Variants in SLC9A7 observed in about 807,000 individuals in gnomAD.
SLC9A7 encodes the protein solute carrier family 9 member A7, also known as sodium/hydrogen exchanger 7.
Under a neutral mutation model 52.6 loss-of-function variants are expected in SLC9A7, and 19 were observed. That is an observed-to-expected ratio of 0.36 (90% CI 0.25 to 0.53). SLC9A7 has a LOEUF of 0.53. SLC9A7 is among the 20% of genes least tolerant of loss of function. The probability of loss-of-function intolerance (pLI) is 0.91; values close to 1 mark genes in which losing one functional copy is unlikely to be tolerated. For missense variants in SLC9A7, 455 were observed against 597.9 expected (o/e 0.76, Z 2.49); for synonymous variants, 226 against 252.1 (o/e 0.90, Z 0.98).
chrX:46,606,601 G>A lies in SLC9A7; in HGVS notation c.*351C>T. The A allele has an allele frequency of 1.1e-6, 1 of 893,437 alleles. No homozygotes were observed. Among genetic ancestry groups the A allele is most frequent in the Non-Finnish European group, 1.4e-6 (1 of 726,633 alleles). The allele number at this position is 893,437 out of a possible 1,213,427, so 73.6% of individuals were successfully genotyped here. On this transcript the variant is annotated 3_prime_UTR_variant, in exon 17 of 17. Transcript: ENST00000616978. ...TGTGTACTGAGATGCAGCCTCTCAT[G>A]GGAGGAATCCCCCCACCCAGCACCT...
intron 1 of SLC9A7, among the ~76,000 whole-genome samples, chrX:46,701,978 C>T (rs375159457): frequency 9.0e-6 from 1 of 111,568 alleles, no homozygotes; most frequent in Admixed American, 9.5e-5. Context: ...ATTCTCTGGA[C>T]ACTGCTAGAC....
chrX:46,725,024 A>T, intron 1 of SLC9A7: 1 of 409,855 alleles, frequency 2.4e-6, no homozygotes, highest in Non-Finnish European at 4.3e-6. Context: ...TACAAGAGCA[A>T]TGTAATTAAA....
chrX:46,669,747 A>G (rs1292481736), intron 4 of SLC9A7, 28 bp from the exon 5 acceptor site: 1 of 827,349 alleles, frequency 1.2e-6, no homozygotes, highest in African/African-American at 2.1e-5. Context: ...AAACTATGTC[A>G]GGAGAAAAAA....
At chrX:46,649,857 G>C (rs188472644) in intron 10 of SLC9A7, among the ~76,000 whole-genome samples, 3 of 112,826 alleles carry the variant, frequency 2.7e-5, no homozygotes, top group African/African-American at 9.7e-5. Flanking sequence ...CAGAGGACCC[G>C]GCTTGGCCTC....
chrX:46,720,543 G>A (rs1021157157), intron 1 of SLC9A7, among the ~76,000 whole-genome samples: 8 of 109,633 alleles, frequency 7.3e-5, no homozygotes, highest in African/African-American at 2.3e-4. Flanking sequence ...CCATGACCCT[G>A]CTTAAAATTA....
In SLC9A7 at chrX:46,604,819, A is replaced by C. The variant is rs766938084; in HGVS notation, c.*2133T>G. 8.9e-6 allele frequency: 1 copy of C among 112,511 alleles called. No individual in the cohort carries two copies. The highest frequency in any genetic ancestry group is 2.8e-4 in the East Asian group (1 of 3,629). The allele number at this position is 112,511 out of a possible 1,213,427, so 9.3% of individuals were successfully genotyped here. On this transcript the variant is annotated 3_prime_UTR_variant, in exon 17 of 17. Transcript: ENST00000616978. ...TCAGCAAACTCATATGGCTCAACCT[A>C]ATTAAATACGTATTTTCCTGATTTG...
chrX:46,725,487 A>G (rs1944928903), intron 1 of SLC9A7: 1 of 1,019,421 alleles, frequency 9.8e-7, no homozygotes, highest in Non-Finnish European at 1.4e-6. Context: ...CTTTACTCCC[A>G]GTTTCATAGC....
chrX:46,643,249 A>G lies in SLC9A7; in HGVS notation c.1603T>C (p.Trp535Arg), dbSNP rs138701264. The change falls in exon 12 of 17, where the codon TGG becomes CGG. Residue 535 changes from tryptophan to arginine, a missense_variant. Coordinates refer to ENST00000616978, the MANE Select transcript of SLC9A7 (RefSeq NM_001257291.2). ...IGGGTTPMLS[W>R]LNIRVGVEEP... ...TTCCAAACCAACCTGATGTTAAGCC[A>G]TGACAACATGGGTGTCGTGCCTCCT... 2.3e-4 allele frequency: 276 copies of G among 1,207,545 alleles called. 1 individual carries two copies. The Middle Eastern group carries it at 2.3e-3, about 10-fold the overall frequency.
At chrX:46,655,583 C>T (rs1413318371) in intron 7 of SLC9A7, among the ~76,000 whole-genome samples, 3 of 112,107 alleles carry the variant, frequency 2.7e-5, no homozygotes, top group Non-Finnish European at 5.6e-5. Flanking sequence ...CAGGGAGTTC[C>T]CTTTCCTAGT....
intron 1 of SLC9A7, among the ~76,000 whole-genome samples, chrX:46,697,820 T>C (rs918398529): frequency 6.2e-5 from 7 of 112,302 alleles, no homozygotes; most frequent in African/African-American, 2.3e-4. Context: ...CATATTTCTC[T>C]TCTTTCAAAA....
At chrX:46,683,486 C>CT (rs1944245845) in intron 1 of SLC9A7, among the ~76,000 whole-genome samples, 1 of 111,511 alleles carries the variant, frequency 9.0e-6, no homozygotes, top group Non-Finnish European at 1.9e-5. Context: ...GGCTGGAGAG[C>CT]TGGCTTCTTG....
intron 1 of SLC9A7, among the ~76,000 whole-genome samples, chrX:46,705,582 T>A (rs1433046274): frequency 9.0e-6 from 1 of 111,536 alleles, no homozygotes; most frequent in East Asian, 2.8e-4. Context: ...CCTACATCTA[T>A]ACAAAAAATT....
intron 3 of SLC9A7, among the ~76,000 whole-genome samples, chrX:46,678,305 C>T (rs1488173030): frequency 1.8e-5 from 2 of 111,074 alleles, no homozygotes; most frequent in Non-Finnish European, 3.8e-5. Flanking sequence ...AAACAAGTTC[C>T]ACAGCTGTTA....
intron 1 of SLC9A7, among the ~76,000 whole-genome samples, chrX:46,730,279 T>C (rs889106264): frequency 1.6e-4 from 17 of 108,176 alleles, no homozygotes; most frequent in Non-Finnish European, 9.6e-5. Flanking sequence ...AAATGAGAGT[T>C]AAAAATGAAA....
At chrX:46,636,404 A>G (rs888484704) in intron 12 of SLC9A7, among the ~76,000 whole-genome samples, 4 of 110,809 alleles carry the variant, frequency 3.6e-5, no homozygotes, top group African/African-American at 1.3e-4. Context: ...TAAGATGTTT[A>G]ACAGAGTCTC....
chrX:46,725,061 G>A (rs760262202), intron 1 of SLC9A7: 8 of 480,170 alleles, frequency 1.7e-5, no homozygotes, highest in East Asian at 7.0e-5. Flanking sequence ...GGAAAGAAAC[G>A]TAAATCTGTT....
In SLC9A7 at chrX:46,635,661, A is replaced by G; in HGVS notation, c.1617-13T>C. On this transcript the variant is annotated splice_polypyrimidine_tract_variant and intron_variant, in intron 12 of 16. Transcript: ENST00000616978. Reference sequence around the variant, plus strand: ...CTCGACGCCAACTCTGGGCAGCAGAAGAAGGGAACGTGAGTGTGACAGGGA... The same window carrying G: ...CTCGACGCCAACTCTGGGCAGCAGAGGAAGGGAACGTGAGTGTGACAGGGA... 2 of 1,199,973 alleles carry G rather than the reference A, an allele frequency of 1.7e-6. No homozygotes were observed. The highest frequency in any genetic ancestry group is 1.1e-6 in the Non-Finnish European group (1 of 884,891).
intron 15 of SLC9A7, among the ~76,000 whole-genome samples, chrX:46,620,668 T>C (rs899913786): frequency 1.8e-5 from 2 of 111,329 alleles, no homozygotes; most frequent in African/African-American, 3.3e-5. Flanking sequence ...GCACGATTCA[T>C]TGCGTAATTT....
intron 14 of SLC9A7, among the ~76,000 whole-genome samples, chrX:46,624,085 C>G (rs1156230374): frequency 8.9e-6 from 1 of 112,630 alleles, no homozygotes; most frequent in Non-Finnish European, 1.9e-5. Context: ...CAAGTTGGCG[C>G]CACATACTCC....
Sources: allele counts gnomAD v4.1 joint callset (sites outside exome capture counted in the v4.1 genomes callset), GRCh38; gene constraint gnomAD v4.1.1; transcripts MANE v1.5; gene names NCBI Gene and HGNC (gene_info 2026-07-23, HGNC 2026-07-21).